Variants in LAMC3 observed in about 807,000 individuals in gnomAD.
LAMC3 encodes laminin subunit gamma-3.
In LAMC3, 128 loss-of-function variants were observed where a neutral mutation model predicts 173.8. That is an observed-to-expected ratio of 0.74 (90% CI 0.64 to 0.85). LAMC3 has a LOEUF of 0.85. Ranked by LOEUF, LAMC3 falls within the 40% of genes least tolerant of loss-of-function variation. The probability of loss-of-function intolerance (pLI) is 0.00; values close to 1 mark genes in which losing one functional copy is unlikely to be tolerated. For synonymous variants in LAMC3, 897 were observed against 909.1 expected (o/e 0.99, Z 0.24); for missense variants, 2,022 against 2,156.0 (o/e 0.94, Z 1.23).
At chr9:131,018,509 A>G (rs1244811577) in intron 1 of LAMC3, among the ~76,000 whole-genome samples, 2 of 152,090 alleles carry the variant, frequency 1.3e-5, no homozygotes, top group Non-Finnish European at 2.9e-5. Context: ...TCCAGGGGCC[A>G]ATGAGGCTTC....
intron 1 of LAMC3, among the ~76,000 whole-genome samples, chr9:131,019,401 G>A (rs1019428058): frequency 2.0e-5 from 3 of 152,202 alleles, no homozygotes; most frequent in African/African-American, 4.8e-5. Context: ...ATGCTTGCCC[G>A]ATGAATGAGT....
rs1260810734 is a variant in LAMC3 at position 131,087,559 on chromosome 9, A to G, written c.4314A>G (p.Gln1438=). The G allele has an allele frequency of 6.2e-7, 1 of 1,613,964 alleles. No individual in the cohort carries two copies. The highest frequency in any genetic ancestry group is 1.1e-5 in the South Asian group (1 of 91,090). Residue 1438 remains glutamine (Q), a synonymous_variant, in exon 26 of 28, where the codon CAA becomes CAG. Transcript: ENST00000361069. The part of the protein sequence containing the change: ...RLTSQTQATL[Q]QASQQVLASE... ...CCAGCCAGACGCAAGCCACGCTCCA[A>G]CAGGCGTCCCAGCAGGTGCTGGCGT... is the stretch of plus-strand genomic sequence containing the variant.
rs796503295 is a variant in LAMC3, at chr9:131,029,394, G to A, written c.679-2651G>A. On this transcript the variant is annotated intron_variant, in intron 2 of 27. Transcript: ENST00000361069. The surrounding 1 kb of genome is among the most constrained non-coding windows in gnomAD (Gnocchi z 4.6). ...CAGATGAAGACAGGCAGGGAGGGCC[G>A]GCCCCCGCTCCCACCTGCGTCTGTG... Among the ~76,000 whole-genome samples the A allele has an allele frequency of 3.3e-5, 5 of 152,304 alleles. No homozygotes were observed. The highest frequency in any genetic ancestry group is 1.9e-4 in the East Asian group (1 of 5,174).
chr9:131,061,001 G>C (rs1366072236), intron 12 of LAMC3, 34 bp from the exon 13 acceptor site: 1 of 1,609,850 alleles, frequency 6.2e-7, no homozygotes, highest in African/African-American at 1.3e-5. Context: ...TGGGCATTCT[G>C]GGTTCAGACA....
rs111970105 is a variant in LAMC3, at chr9:131,076,194, T to C, written c.3629+229T>C. ...GCCTGGGGGGATGCAACTCAGCCTC[T>C]TCAAGAGAAGAGACAAGAACTGGAA... On this transcript the variant is annotated intron_variant, in intron 21 of 27. Transcript: ENST00000361069. Among the ~76,000 whole-genome samples, 304 of 152,248 alleles carry C rather than the reference T, an allele frequency of 2.0e-3. 1 individual carries two copies. The highest frequency in any genetic ancestry group is 3.4e-3 in the Middle Eastern group (1 of 294).
At chr9:131,039,707 CAAG>C (rs1018588087) in intron 6 of LAMC3, among the ~76,000 whole-genome samples, 38 of 151,596 alleles carry the variant, frequency 2.5e-4, no homozygotes, top group African/African-American at 9.2e-4. Context: ...GAGCCCAGTG[CAAG>C]GAGGAGCTAA....
intron 2 of LAMC3, among the ~76,000 whole-genome samples, chr9:131,027,877 C>T (rs1390035210): frequency 6.6e-6 from 1 of 152,232 alleles, no homozygotes; most frequent in Non-Finnish European, 1.5e-5. Context: ...GTTCAGCCCA[C>T]GTAGGTCCAC....
chr9:131,019,422 C>T (rs1833589503), intron 1 of LAMC3, among the ~76,000 whole-genome samples: 1 of 152,146 alleles, frequency 6.6e-6, no homozygotes, highest in Non-Finnish European at 1.5e-5. Flanking sequence ...AGACTCGAGG[C>T]AGGATTTGTA....
chr9:131,012,062 T>TACACACACACACACACAC (rs33965311), intron 1 of LAMC3, among the ~76,000 whole-genome samples: 84 of 138,516 alleles, frequency 6.1e-4, no homozygotes, highest in African/African-American at 2.0e-3. Context: ...CACACACACA[T>TACACACACACACACACAC]ACACACACAC....
intron 8 of LAMC3, among the ~76,000 whole-genome samples, chr9:131,048,047 ATTTTT>A (rs59291636): frequency 4.7e-4 from 25 of 53,386 alleles, no homozygotes; most frequent in East Asian, 1.3e-3. Context: ...CACCCAGCTG[ATTTTT>A]TTTTTTTTTT....
At chr9:131,086,274 C>T (rs1481825952) in intron 25 of LAMC3, among the ~76,000 whole-genome samples, 1 of 151,838 alleles carries the variant, frequency 6.6e-6, no homozygotes, top group Non-Finnish European at 1.5e-5. Flanking sequence ...AGCGGGGTTT[C>T]ACCATGTTGG....
chr9:131,046,814 T>G (rs1237017258), intron 8 of LAMC3, among the ~76,000 whole-genome samples: 2 of 152,104 alleles, frequency 1.3e-5, no homozygotes, highest in East Asian at 3.9e-4. Flanking sequence ...GCCCCGCACC[T>G]TCCGCCTGTC....
At chr9:131,049,763 C>T (rs1834244775) in intron 9 of LAMC3, among the ~76,000 whole-genome samples, 1 of 152,224 alleles carries the variant, frequency 6.6e-6, no homozygotes, top group Non-Finnish European at 1.5e-5. Flanking sequence ...AGCCCCTCAC[C>T]CGCCAGGCCA....
Position 131,032,030 on chromosome 9 carries a change from T to G in LAMC3, c.679-15T>G. 6.2e-7 allele frequency: 1 copy of G among 1,614,030 alleles called. No individual in the cohort carries two copies. Among genetic ancestry groups the G allele is most frequent in the Non-Finnish European group, 8.5e-7 (1 of 1,179,986 alleles). On this transcript the variant is annotated splice_polypyrimidine_tract_variant and intron_variant, in intron 2 of 27. Coordinates refer to ENST00000361069, the MANE Select transcript of LAMC3 (RefSeq NM_006059.4). ...TCAGGAACCTGCTGATGGCACCCTCTCCCCTCTGCCCCAGGAGTGGGTCAC... is the reference window on the plus strand; with the variant it reads ...TCAGGAACCTGCTGATGGCACCCTCGCCCCTCTGCCCCAGGAGTGGGTCAC...
intron 11 of LAMC3, among the ~76,000 whole-genome samples, chr9:131,055,241 A>T (rs773603276): frequency 2.1e-4 from 32 of 152,144 alleles, no homozygotes; most frequent in South Asian, 6.2e-4. Context: ...TCTGATGAGG[A>T]GTGTCGGCCG....
chr9:131,075,928 AG>A lies in LAMC3; in HGVS notation c.3595del (p.Val1199TrpfsTer3). On this transcript the variant is annotated frameshift_variant, in exon 21 of 28. Coordinates refer to ENST00000361069, the MANE Select transcript of LAMC3 (RefSeq NM_006059.4). LOFTEE classifies it high-confidence loss of function. ...YALLWNLLEGRVALETQRDLE... is the reference protein window; with the variant it reads ...YALLWNLLEGXVALETQRDLE... ...GCTTCTCTGGAATCTGCTGGAGGGA[AG>A]GGTGGCCCTAGAGACCCAGCGGGAC... 1 of 1,610,754 alleles carries A rather than the reference AG, an allele frequency of 6.2e-7. No individual in the cohort carries two copies. Among genetic ancestry groups the A allele is most frequent in the Non-Finnish European group, 8.5e-7 (1 of 1,177,926 alleles).
intron 3 of LAMC3, among the ~76,000 whole-genome samples, chr9:131,035,786 T>A (rs1186275793): frequency 1.3e-5 from 2 of 152,146 alleles, no homozygotes; most frequent in Non-Finnish European, 2.9e-5. Flanking sequence ...TGGCCCACTC[T>A]CCACTTGGGA....
rs752080741 is a variant in LAMC3 at position 131,026,595 on chromosome 9, G to A, written c.678+6G>A. The A allele has an allele frequency of 1.3e-6, 2 of 1,573,998 alleles. No homozygotes were observed. Among genetic ancestry groups the A allele is most frequent in the South Asian group, 2.3e-5 (2 of 87,338 alleles). On this transcript the variant is annotated splice_donor_region_variant and intron_variant, in intron 2 of 27. Transcript: ENST00000361069. The surrounding 1 kb of genome is among the most constrained non-coding windows in gnomAD (Gnocchi z 4.8). ...AGGAGAGCCCTGGGCTGCAGGTCAG[G>A]GAGGAGCGGGGCTTCGGAGGTTGGG... is the stretch of plus-strand genomic sequence containing the variant.
intron 20 of LAMC3, among the ~76,000 whole-genome samples, chr9:131,074,051 A>C (rs1830082635): frequency 7.2e-6 from 1 of 139,196 alleles, no homozygotes; most frequent in Non-Finnish European, 1.5e-5. Flanking sequence ...GGTTCGTGCC[A>C]TTCTCCTGCC....
Sources: allele counts gnomAD v4.1 joint callset (sites outside exome capture counted in the v4.1 genomes callset), GRCh38; gene constraint gnomAD v4.1.1; non-coding constraint Gnocchi (gnomAD v3.1); transcripts MANE v1.5; gene names NCBI Gene and HGNC (gene_info 2026-07-23, HGNC 2026-07-21).